The following ZC3H7A variants were observed in gnomAD, a reference collection of about 807,000 sequenced individuals.
The protein encoded by ZC3H7A is zinc finger CCCH domain-containing protein 7A.
A neutral mutation model predicts 125.5 loss-of-function variants in ZC3H7A; 44 were observed. The ratio of observed to expected loss-of-function variants is 0.35; its 90% CI spans 0.28 to 0.45. The LOEUF (loss-of-function observed/expected upper bound fraction) is 0.45, where lower values mean the gene tolerates loss of function less well. Ranked by LOEUF, ZC3H7A falls within the 20% of genes least tolerant of loss-of-function variation. The pLI, the probability that ZC3H7A is intolerant of heterozygous loss-of-function variation, is 1.00. For missense variants in ZC3H7A, 977 were observed against 1,170.7 expected (o/e 0.83, Z 2.41); for synonymous variants, 399 against 391.2 (o/e 1.02, Z -0.23).
chr16:11,777,019 T>A, intron 4 of ZC3H7A, 110 bp from the exon 5 acceptor site: 1 of 801,314 alleles, frequency 1.2e-6, no homozygotes, highest in Non-Finnish European at 1.8e-6. Context: ...ACCCTCCCTC[T>A]AAACTCCAAG....
rs953510081 is a variant in ZC3H7A, at chr16:11,776,879, T to C, written c.337A>G (p.Asn113Asp). 2 of 1,607,206 alleles carry C rather than the reference T, an allele frequency of 1.2e-6. No homozygotes were observed. Among genetic ancestry groups the C allele is most frequent in the Non-Finnish European group, 1.7e-6 (2 of 1,178,112 alleles). ...CTGGCATTTAAACTGAGGACTATATTGCAGTCCTCCAAAACTTTATCATGG... is the reference window on the plus strand; with the variant it reads ...CTGGCATTTAAACTGAGGACTATATCGCAGTCCTCCAAAACTTTATCATGG... Reference protein sequence around the residue: ...GFHDKVLEDCNIVLSLNASNC... With the variant: ...GFHDKVLEDCDIVLSLNASNC... Residue 113 changes from asparagine to aspartate, a missense_variant, in exon 5 of 23, where the codon AAT (asparagine) becomes GAT (aspartate). By Grantham distance (23) the Asn-to-Asp change is conservative. This residue lies in a region of ZC3H7A where 199 missense variants were observed against 256.1 expected (regional missense o/e 0.78). Transcript: ENST00000355758.
chr16:11,779,350 G>C lies in ZC3H7A; in HGVS notation c.122C>G (p.Ala41Gly), dbSNP rs1159443097. Residue 41 changes from alanine (A) to glycine (G), a missense_variant, in exon 4 of 23, where the codon GCT (alanine) becomes GGT (glycine). Ala to Gly is a moderately conservative substitution (Grantham distance 60, BLOSUM62 0). Transcript: ENST00000355758. ...TTCATTAAAAAGATTTCTCACGAGAGCACGCAAATATACCTAAAAAAAAGA... is the reference window on the plus strand; with the variant it reads ...TTCATTAAAAAGATTTCTCACGAGACCACGCAAATATACCTAAAAAAAAGA... Reference protein sequence around the residue: ...TQEQYAVYLRALVRNLFNEGN... With the variant: ...TQEQYAVYLRGLVRNLFNEGN... 12 of 1,612,862 alleles carry C rather than the reference G, an allele frequency of 7.4e-6. No homozygotes were observed. Among genetic ancestry groups the C allele is most frequent in the Non-Finnish European group, 9.3e-6 (11 of 1,179,704 alleles).
At position 11,774,281 on chromosome 16, in the gene ZC3H7A, T is replaced by C. The variant is rs144120543; in HGVS notation, c.858A>G (p.Leu286=). 46,797 of 1,612,126 alleles carry C rather than the reference T, an allele frequency of 0.029. 797 individuals are homozygous for C. Among genetic ancestry groups the C allele is most frequent in the Non-Finnish European group, 0.035 (41,155 of 1,178,694 alleles). Residue 286 remains leucine (L), a synonymous_variant, in exon 9 of 23, where the codon CTA becomes CTG. Coordinates refer to ENST00000355758, the MANE Select transcript of ZC3H7A (RefSeq NM_014153.4). ...DDGDMVLGDE[L]DDLLDSAPET... ...CAGGTGCAGAATCAAGCAGGTCATC[T>C]AGTTCATCTCCAAGGACCATATCTC...
intron 13 of ZC3H7A, among the ~76,000 whole-genome samples, 193 bp downstream of exon 13, chr16:11,767,224 G>A (rs897169002): frequency 6.6e-6 from 1 of 152,140 alleles, no homozygotes; most frequent in African/African-American, 2.4e-5. Context: ...GTACAAGTCT[G>A]TAGTTTAGGA....
chr16:11,763,769 A>ATATATATATATAT (rs2052799685), intron 15 of ZC3H7A, 110 bp from the exon 16 acceptor site: 3 of 169,284 alleles, frequency 1.8e-5, no homozygotes, highest in Admixed American at 1.0e-4. Context: ...ATATATATAT[A>ATATATATATATAT]AAGTTCTACA....
chr16:11,789,562 G>A (rs2053316530), intron 1 of ZC3H7A, among the ~76,000 whole-genome samples: 1 of 152,082 alleles, frequency 6.6e-6, no homozygotes, highest in African/African-American at 2.4e-5. Flanking sequence ...CCGTGCATAT[G>A]TTCTTTTTTA....
At chr16:11,764,998 G>C in intron 15 of ZC3H7A, 55 bp downstream of exon 15, 1 of 1,244,244 alleles carries the variant, frequency 8.0e-7, no homozygotes. Context: ...TTTTTATTCA[G>C]ATCTAGAAAA....
intron 22 of ZC3H7A, 134 bp from the exon 23 acceptor site, chr16:11,751,640 T>C (rs1267354247): frequency 1.2e-6 from 1 of 855,442 alleles, no homozygotes. Context: ...AAGCCTAGAA[T>C]GGTAAATATT....
chr16:11,775,923 G>A (rs1311531490), intron 7 of ZC3H7A, among the ~76,000 whole-genome samples: 2 of 152,206 alleles, frequency 1.3e-5, no homozygotes, highest in African/African-American at 4.8e-5. Context: ...TTGGTGGGAG[G>A]CCAAGGCAGG....
intron 21 of ZC3H7A, chr16:11,753,096 G>A: frequency 5.1e-6 from 2 of 396,004 alleles, no homozygotes; most frequent in East Asian, 4.6e-5. Context: ...TTTGCTGGGA[G>A]AACAAGAGGC....
At chr16:11,763,431 C>T (rs749948559) in intron 16 of ZC3H7A, 47 bp downstream of exon 16, 3 of 1,537,450 alleles carry the variant, frequency 2.0e-6, no homozygotes, top group Non-Finnish European at 2.6e-6. Context: ...TCATTAAACC[C>T]TGTCTGCTCT....
chr16:11,768,271 G>A (rs780287864), intron 12 of ZC3H7A, 44 bp downstream of exon 12: 26 of 1,385,054 alleles, frequency 1.9e-5, no homozygotes, highest in South Asian at 8.1e-5. Flanking sequence ...TCAAGGTTAT[G>A]AGCAAGTAGT....
intron 19 of ZC3H7A, among the ~76,000 whole-genome samples, chr16:11,761,199 T>TA: frequency 6.6e-6 from 1 of 152,298 alleles, no homozygotes; most frequent in Admixed American, 6.5e-5. Context: ...TTTTTCCAAG[T>TA]AACTCATAAA....
Position 11,751,440 on chromosome 16 carries a change from A to G in ZC3H7A, c.2793T>C (p.His931=), listed in dbSNP as rs1375857800. 1 of 1,614,112 alleles carries G rather than the reference A, an allele frequency of 6.2e-7. No individual in the cohort carries two copies. The highest frequency in any genetic ancestry group is 2.2e-5 in the East Asian group (1 of 44,878). Residue 931 remains histidine, a synonymous_variant, in exon 23 of 23, where the codon CAT becomes CAC. Coordinates refer to ENST00000355758, the MANE Select transcript of ZC3H7A (RefSeq NM_014153.4). ...GGGCATCTCTTCTTTCTTCCCATTCATGAAGTTCGGCATTTCCATGTGCAA... is the reference window on the plus strand; with the variant it reads ...GGGCATCTCTTCTTTCTTCCCATTCGTGAAGTTCGGCATTTCCATGTGCAA... The part of the protein sequence containing the change: ...CKFAHGNAEL[H]EWEERRDALK...
intron 1 of ZC3H7A, among the ~76,000 whole-genome samples, chr16:11,789,566 T>C (rs1016954411): frequency 1.3e-5 from 2 of 152,192 alleles, no homozygotes; most frequent in Non-Finnish European, 1.5e-5. Flanking sequence ...GCATATGTTC[T>C]TTTTTATTCA....
chr16:11,773,907 A>G (rs2053032531), intron 9 of ZC3H7A, among the ~76,000 whole-genome samples: 1 of 152,066 alleles, frequency 6.6e-6, no homozygotes, highest in Non-Finnish European at 1.5e-5. Flanking sequence ...AAATAAAAAG[A>G]ATAAGAAGTC....
chr16:11,774,941 G>A, intron 8 of ZC3H7A, 39 bp downstream of exon 8: 2 of 1,606,792 alleles, frequency 1.2e-6, no homozygotes, highest in Non-Finnish European at 1.7e-6. Flanking sequence ...TACAAAGCTG[G>A]CACTATTCAA....
chr16:11,787,803 G>T lies in ZC3H7A; in HGVS notation c.-34-5415C>A, dbSNP rs183747126. Among the ~76,000 whole-genome samples the T allele has an allele frequency of 2.6e-5, 4 of 152,112 alleles. No homozygotes were observed. The South Asian group carries it at 8.3e-4, about 32-fold the overall frequency. ...TCTACTAAAAATACAAACATTAGCC[G>T]GGCATGGTGGCAGGTGCCTGTAATC... On this transcript the variant is annotated intron_variant, in intron 1 of 22. Coordinates refer to ENST00000355758, the MANE Select transcript of ZC3H7A (RefSeq NM_014153.4).
At chr16:11,768,974 TTAAG>T (rs2052919191) in intron 11 of ZC3H7A, 53 bp downstream of exon 11, 10 of 1,517,612 alleles carry the variant, frequency 6.6e-6, no homozygotes, top group African/African-American at 1.4e-5. Flanking sequence ...ACTCGGTTAC[TTAAG>T]TAACTATTTT....
Sources: allele counts gnomAD v4.1 joint callset (sites outside exome capture counted in the v4.1 genomes callset), GRCh38; gene constraint gnomAD v4.1.1; regional missense constraint gnomAD v4.1.1; transcripts MANE v1.5; gene names NCBI Gene and HGNC (gene_info 2026-07-23, HGNC 2026-07-21).